The following SLC4A4 variants were observed in gnomAD, a reference collection of about 807,000 sequenced individuals.
SLC4A4 encodes electrogenic sodium bicarbonate cotransporter 1.
Under a neutral mutation model 111.5 loss-of-function variants are expected in SLC4A4, and 27 were observed. The observed-to-expected ratio is 0.24, with a 90% CI of 0.18 to 0.33. The LOEUF (loss-of-function observed/expected upper bound fraction) is 0.33, where lower values mean the gene tolerates loss of function less well. Ranked by LOEUF, SLC4A4 falls within the 10% of genes least tolerant of loss-of-function variation. SLC4A4 has a pLI of 1.00. For missense variants in SLC4A4, 909 were observed against 1,315.5 expected (o/e 0.69, Z 4.78); for synonymous variants, 443 against 463.4 (o/e 0.96, Z 0.57).
intron 1 of SLC4A4, among the ~76,000 whole-genome samples, chr4:71,228,340 G>T (rs1719180918): frequency 6.6e-6 from 1 of 152,132 alleles, no homozygotes; most frequent in African/African-American, 2.4e-5. Context: ...GTTTATCTGT[G>T]GTCTCCCCAG....
chr4:71,428,703 A>G (rs985717310), intron 7 of SLC4A4, among the ~76,000 whole-genome samples: 1 of 152,136 alleles, frequency 6.6e-6, no homozygotes, highest in Non-Finnish European at 1.5e-5. Flanking sequence ...TAAGAATGCC[A>G]GAAATCAGAT....
At chr4:71,466,772 C>A (rs1727355172) in intron 13 of SLC4A4, among the ~76,000 whole-genome samples, 195 bp downstream of exon 13, 1 of 151,950 alleles carries the variant, frequency 6.6e-6, no homozygotes, top group African/African-American at 2.4e-5. Flanking sequence ...GACTGAGGCT[C>A]TTATGTTGTG....
chr4:71,125,314 C>T (rs1222184078), intron 2 of SLC4A4, among the ~76,000 whole-genome samples: 1 of 152,166 alleles, frequency 6.6e-6, no homozygotes, highest in Non-Finnish European at 1.5e-5. Flanking sequence ...TATGACCGGG[C>T]CCAGTGGCTC....
At chr4:71,419,501 G>T (rs563679225) in intron 7 of SLC4A4, among the ~76,000 whole-genome samples, 35 of 152,374 alleles carry the variant, frequency 2.3e-4, no homozygotes, top group East Asian at 3.9e-4. Flanking sequence ...CTCCGAGCCA[G>T]GTGCGGGATA....
In SLC4A4 at chr4:71,426,920, C is replaced by T. The variant is rs146571506; in HGVS notation, c.808-13696C>T. 1.0e-3 allele frequency among the ~76,000 whole-genome samples: 154 copies of T among 152,016 alleles called. 1 individual carries two copies. Among genetic ancestry groups the T allele is most frequent in the African/African-American group, 3.7e-3 (152 of 41,506 alleles). On this transcript the variant is annotated intron_variant, in intron 7 of 25. Coordinates refer to ENST00000264485, the MANE Select transcript of SLC4A4 (RefSeq NM_001098484.3). ...GTAGTTTTTCACTGTCCTTTATTACCCTTAAGTATTCCCCACCAAGGGAGT... is the reference window on the plus strand; with the variant it reads ...GTAGTTTTTCACTGTCCTTTATTACTCTTAAGTATTCCCCACCAAGGGAGT...
At chr4:71,151,187 A>G (rs1022268948) in intron 2 of SLC4A4, among the ~76,000 whole-genome samples, 1 of 152,256 alleles carries the variant, frequency 6.6e-6, no homozygotes, top group Non-Finnish European at 1.5e-5. Flanking sequence ...TCTGTGCCAC[A>G]GCACTGGTAG....
At chr4:71,463,324 A>T (rs1727013623) in intron 12 of SLC4A4, among the ~76,000 whole-genome samples, 1 of 152,218 alleles carries the variant, frequency 6.6e-6, no homozygotes, top group Admixed American at 6.5e-5. Flanking sequence ...ACTGAATATA[A>T]TAAATCAGAA....
intron 3 of SLC4A4, among the ~76,000 whole-genome samples, chr4:71,338,833 A>C (rs1005069102): frequency 1.1e-4 from 16 of 149,220 alleles, no homozygotes; most frequent in African/African-American, 3.7e-4. Flanking sequence ...CATCTTGTTA[A>C]ATATTCCTTC....
At chr4:71,388,663 C>T (rs1042648130) in intron 6 of SLC4A4, among the ~76,000 whole-genome samples, 3 of 152,164 alleles carry the variant, frequency 2.0e-5, no homozygotes, top group Non-Finnish European at 4.4e-5. Context: ...CTCCCCGCCC[C>T]ACTGCCTCTC....
intron 2 of SLC4A4, among the ~76,000 whole-genome samples, chr4:71,117,709 G>A (rs1032383875): frequency 7.9e-5 from 12 of 152,110 alleles, no homozygotes; most frequent in Admixed American, 1.3e-4. Context: ...ATCTTTCTAA[G>A]GGTGAACTGC....
At chr4:71,339,990 G>C (rs75880033) in intron 4 of SLC4A4, among the ~76,000 whole-genome samples, 2,964 of 151,928 alleles carry the variant, frequency 0.02, 101 homozygotes, top group African/African-American at 0.068. Context: ...GGCCGAGGCA[G>C]GTGGATTGCC....
intron 2 of SLC4A4, among the ~76,000 whole-genome samples, chr4:71,158,758 T>C (rs956925492): frequency 6.6e-6 from 1 of 152,238 alleles, no homozygotes; most frequent in African/African-American, 2.4e-5. Flanking sequence ...CCACTCATTG[T>C]GTTCGTGTTC....
chr4:71,425,246 AC>A (rs1461193728), intron 7 of SLC4A4, among the ~76,000 whole-genome samples: 3 of 152,086 alleles, frequency 2.0e-5, no homozygotes, highest in Non-Finnish European at 4.4e-5. Context: ...AGGCCAAGGA[AC>A]CCTTTATTGT....
At chr4:71,276,255 T>C (rs1723059069) in intron 3 of SLC4A4, among the ~76,000 whole-genome samples, 1 of 152,236 alleles carries the variant, frequency 6.6e-6, no homozygotes, top group Admixed American at 6.5e-5. Flanking sequence ...ATATCTTATA[T>C]AATTAGAGTG....
At chr4:71,337,024 C>T (rs1427158034) in intron 3 of SLC4A4, among the ~76,000 whole-genome samples, 1 of 152,216 alleles carries the variant, frequency 6.6e-6, no homozygotes. Context: ...ACTTTGCTGT[C>T]TGTGTGTGAA....
chr4:71,571,708 T>C lies in SLC4A4; in HGVS notation c.*3957T>C, dbSNP rs1456304437. On this transcript the variant is annotated 3_prime_UTR_variant, in exon 26 of 26. Transcript: ENST00000264485. ...AATGTGAAAAGAGTGAATAGTTGCC[T>C]CTTTTTAGCCATTTTCATGGCTGGT... 6.6e-6 allele frequency: 1 copy of C among 152,268 alleles called. No homozygotes were observed. The highest frequency in any genetic ancestry group is 6.6e-5 in the Admixed American group (1 of 15,186). 9.4% of individuals were successfully genotyped at this position (152,268 alleles called of 1,614,324 possible).
chr4:71,202,358 A>C lies in SLC4A4; in HGVS notation c.-2+14957A>C, dbSNP rs143028047. Among the ~76,000 whole-genome samples the C allele has an allele frequency of 5.2e-4, 79 of 152,254 alleles. 1 individual carries two copies. Among genetic ancestry groups the C allele is most frequent in the African/African-American group, 5.5e-4 (23 of 41,528 alleles). On this transcript the variant is annotated intron_variant, in intron 1 of 25. Transcript: ENST00000264485. ...CCCTTGGACAGTTTTTATCTCCTTC[A>C]TATTCAAATGGGTGGAAAACATTTT...
At chr4:71,140,399 C>T (rs767202333) in intron 2 of SLC4A4, among the ~76,000 whole-genome samples, 9 of 152,166 alleles carry the variant, frequency 5.9e-5, no homozygotes, top group Admixed American at 1.3e-4. Flanking sequence ...CTAGCCTGAG[C>T]GACAAAATGA....
At position 71,488,012 on chromosome 4, in the gene SLC4A4, C is replaced by T. The variant is rs191609237; in HGVS notation, c.1974+994C>T. Among the ~76,000 whole-genome samples, 389 of 151,622 alleles carry T rather than the reference C, an allele frequency of 2.6e-3. 4 individuals carry two copies. The highest frequency in any genetic ancestry group is 4.7e-3 in the Non-Finnish European group (320 of 67,708). On this transcript the variant is annotated intron_variant, in intron 15 of 25. Transcript: ENST00000264485. ...TGCATACAGAAAGGAGTTCAACTTT[C>T]AGTCTTTCAACTGGTCAGCCTATTG...
Sources: gnomAD v4.1 joint callset for allele counts (sites outside exome capture counted in the v4.1 genomes callset) on GRCh38, gnomAD v4.1.1 for gene constraint, MANE v1.5 for transcripts, NCBI Gene and HGNC (gene_info 2026-07-23, HGNC 2026-07-21) for gene names.